PABPC4L: variants seen among roughly 807,000 people sequenced by gnomAD.
PABPC4L encodes poly(A) binding protein cytoplasmic 4 like, also known as polyadenylate-binding protein 4-like.
For missense variants in PABPC4L, 452 were observed against 451.4 expected, an observed-to-expected ratio of 1.00 and a Z score of -0.01; for synonymous variants, 169 against 164.1, an observed-to-expected ratio of 1.03 and a Z score of -0.23.
At chr4:133,949,987 A>G in the PABPC4L span, among the ~76,000 whole-genome samples, 4 of 152,150 alleles carry the variant, frequency 2.6e-5, no homozygotes, top group Non-Finnish European at 5.9e-5. Flanking sequence ...ATTTGGAGAC[A>G]TTTTGTCCAA....
Position 134,198,151 on chromosome 4 carries a change from T to C in PABPC4L, c.*1756A>G, listed in dbSNP as rs1729724656. 6.6e-6 allele frequency: 1 copy of C among 151,646 alleles called. No homozygotes were observed. The highest frequency in any genetic ancestry group is 1.5e-5 in the Non-Finnish European group (1 of 67,636). The allele number at this position is 151,646 out of a possible 1,614,324, so 9.4% of individuals were successfully genotyped here. A position where few individuals can be genotyped will look rare whatever the true frequency, so the allele number is the denominator to read the frequency against. On this transcript the variant is annotated 3_prime_UTR_variant, in exon 2 of 2. Transcript: ENST00000421491. ...CAGATTATAAGACAAATAATTATTG[T>C]GAGCATAAAAGTTGACCATAGCATA...
At chr4:134,037,324 C>T in the PABPC4L span, among the ~76,000 whole-genome samples, 2 of 152,192 alleles carry the variant, frequency 1.3e-5, no homozygotes, top group South Asian at 2.1e-4. Context: ...TTCCTTTCAG[C>T]AGTGTTTTAT....
the PABPC4L span, among the ~76,000 whole-genome samples, chr4:134,018,541 C>T: frequency 6.6e-6 from 1 of 152,230 alleles, no homozygotes; most frequent in East Asian, 1.9e-4. Flanking sequence ...TCTCCCATGT[C>T]TGTTGTTCCC....
the PABPC4L span, among the ~76,000 whole-genome samples, chr4:134,044,087 G>T: frequency 1.3e-5 from 2 of 151,180 alleles, no homozygotes; most frequent in Non-Finnish European, 3.0e-5. Context: ...GCTTATCTGG[G>T]ACTACAGCCA....
the PABPC4L span, among the ~76,000 whole-genome samples, chr4:134,160,923 A>G: frequency 6.6e-6 from 1 of 152,046 alleles, no homozygotes; most frequent in African/African-American, 2.4e-5. Flanking sequence ...AAAATATAAC[A>G]TCACCAAATG....
At chr4:134,150,914 A>T in the PABPC4L span, among the ~76,000 whole-genome samples, 1 of 152,216 alleles carries the variant, frequency 6.6e-6, no homozygotes, top group Admixed American at 6.5e-5. Flanking sequence ...AGACATACAA[A>T]TTTTGGTATA....
the PABPC4L span, among the ~76,000 whole-genome samples, chr4:133,952,693 C>T: frequency 2.0e-4 from 31 of 152,212 alleles, no homozygotes; most frequent in African/African-American, 7.0e-4. Context: ...TTAACCCACA[C>T]GAGGGGATTA....
chr4:134,002,808 G>T, the PABPC4L span, among the ~76,000 whole-genome samples: 2 of 151,866 alleles, frequency 1.3e-5, no homozygotes, highest in Non-Finnish European at 2.9e-5. Context: ...GCAAAATGTG[G>T]AGTAATTAAA....
At chr4:134,177,175 T>C in the PABPC4L span, among the ~76,000 whole-genome samples, 35 of 137,488 alleles carry the variant, frequency 2.5e-4, no homozygotes, top group African/African-American at 9.1e-4. Context: ...ATCCCTTTTT[T>C]CTTTTCTTTT....
At chr4:134,161,637 A>C in the PABPC4L span, among the ~76,000 whole-genome samples, 1 of 152,154 alleles carries the variant, frequency 6.6e-6, no homozygotes, top group Non-Finnish European at 1.5e-5. Flanking sequence ...GGATTTCATC[A>C]ACAGCAGACT....
At chr4:134,045,564 G>C in the PABPC4L span, among the ~76,000 whole-genome samples, 1 of 152,136 alleles carries the variant, frequency 6.6e-6, no homozygotes, top group Non-Finnish European at 1.5e-5. Context: ...AGAATACTTT[G>C]TCCTTGGAAG....
chr4:134,125,936 A>G, the PABPC4L span, among the ~76,000 whole-genome samples: 1 of 152,284 alleles, frequency 6.6e-6, no homozygotes, highest in East Asian at 1.9e-4. Flanking sequence ...TGGGTTAAAC[A>G]CACATACTCT....
chr4:133,979,902 T>C, the PABPC4L span, among the ~76,000 whole-genome samples: 1 of 152,212 alleles, frequency 6.6e-6, no homozygotes, highest in Non-Finnish European at 1.5e-5. Flanking sequence ...GATCTTGTTT[T>C]TCCATTGTAG....
chr4:133,974,380 A>T, the PABPC4L span, among the ~76,000 whole-genome samples: 3 of 152,166 alleles, frequency 2.0e-5, no homozygotes, highest in Non-Finnish European at 4.4e-5. Context: ...TGTAAATATA[A>T]GACTACAAAC....
chr4:133,965,254 C>T, the PABPC4L span, among the ~76,000 whole-genome samples: 1 of 151,828 alleles, frequency 6.6e-6, no homozygotes, highest in Non-Finnish European at 1.5e-5. Context: ...TAGGAATATA[C>T]CTAACCAAGG....
At chr4:134,164,959 A>G in the PABPC4L span, among the ~76,000 whole-genome samples, 1,226 of 152,262 alleles carry the variant, frequency 8.1e-3, 15 homozygotes, top group African/African-American at 0.028. Flanking sequence ...CAGAATAAAT[A>G]ACTCAGAAAT....
the PABPC4L span, among the ~76,000 whole-genome samples, chr4:134,007,945 A>G: frequency 6.6e-6 from 1 of 151,786 alleles, no homozygotes; most frequent in East Asian, 1.9e-4. Flanking sequence ...AGTAAATCTC[A>G]GAAACTTTGA....
chr4:134,147,091 A>G, the PABPC4L span, among the ~76,000 whole-genome samples: 1 of 152,150 alleles, frequency 6.6e-6, no homozygotes, highest in African/African-American at 2.4e-5. Context: ...TAACAAAATA[A>G]TACACTTTCT....
At chr4:134,006,456 C>T in the PABPC4L span, among the ~76,000 whole-genome samples, 2 of 151,818 alleles carry the variant, frequency 1.3e-5, no homozygotes, top group African/African-American at 2.4e-5. Flanking sequence ...ATGTCCCAAG[C>T]ATATGCTACC....
Sources: gnomAD v4.1 joint callset for allele counts (sites outside exome capture counted in the v4.1 genomes callset) on GRCh38, gnomAD v4.1.1 for gene constraint, MANE v1.5 for transcripts, NCBI Gene and HGNC (gene_info 2026-07-23, HGNC 2026-07-21) for gene names.